Variants in UNKL observed in about 807,000 individuals in gnomAD.
UNKL encodes the protein putative E3 ubiquitin-protein ligase UNKL.
Under a neutral mutation model 78.0 loss-of-function variants are expected in UNKL, and 60 were observed. The ratio of observed to expected loss-of-function variants is 0.77; its 90% CI spans 0.63 to 0.95. UNKL has a LOEUF of 0.95. UNKL is among the 40% of genes least tolerant of loss of function. UNKL has a pLI of 0.00. For missense variants in UNKL, 1,159 were observed against 1,045.7 expected, an observed-to-expected ratio of 1.11 and a Z score of -1.49; for synonymous variants, 608 against 474.8, an observed-to-expected ratio of 1.28 and a Z score of -3.65.
rs1350584732 is a variant in UNKL, at chr16:1,365,661, AAC to A, written c.*577_*578del. On this transcript the variant is annotated 3_prime_UTR_variant, in exon 15 of 15. Coordinates refer to ENST00000389221, the MANE Select transcript of UNKL (RefSeq NM_001372107.1). The stretch of plus-strand genomic sequence containing the variant: ...AAATCCTAGGTCTTACTACTAGATA[AAC>A]ACTCATTTCATAAGTACTAGTTTCA... The A allele has an allele frequency of 6.6e-6, 1 of 152,646 alleles. No homozygotes were observed. The highest frequency in any genetic ancestry group is 2.4e-5 in the African/African-American group (1 of 41,466). The allele number at this position is 152,646 out of a possible 1,614,324, so 9.5% of individuals were successfully genotyped here.
intron 2 of UNKL, among the ~76,000 whole-genome samples, chr16:1,404,363 G>T (rs1241815993): frequency 1.3e-5 from 2 of 152,210 alleles, no homozygotes; most frequent in Admixed American, 6.5e-5. Flanking sequence ...GCCAGGGATG[G>T]CTGGGGACCA....
chr16:1,392,963 C>A lies in UNKL; in HGVS notation c.951G>T (p.Met317Ile). Reference protein sequence around the residue: ...AFAHVEKSLGMVNEWGCHDLH... With the variant: ...AFAHVEKSLGIVNEWGCHDLH... Reference sequence around the variant, plus strand: ...GGTCGTGACAGCCCCATTCATTCACCATCCCCAGGCTCTCTGCAAGGACAG... The same window carrying A: ...GGTCGTGACAGCCCCATTCATTCACAATCCCCAGGCTCTCTGCAAGGACAG... The change falls in exon 8 of 15, where the codon ATG (methionine) becomes ATT (isoleucine). Residue 317 changes from methionine (M) to isoleucine (I), a missense_variant. By Grantham distance (10) the Met-to-Ile change is conservative. Transcript: ENST00000389221. 1 of 1,550,556 alleles carries A rather than the reference C, an allele frequency of 6.4e-7. No homozygotes were observed. The highest frequency in any genetic ancestry group is 8.7e-7 in the Non-Finnish European group (1 of 1,146,998).
In UNKL at chr16:1,397,264, C is replaced by A; in HGVS notation, c.766G>T (p.Asp256Tyr). Residue 256 changes from aspartate to tyrosine, a missense_variant, in exon 6 of 15, where the codon GAT (aspartate) becomes TAT (tyrosine). By Grantham distance (160) the Asp-to-Tyr change is radical. Transcript: ENST00000389221. Reference protein sequence around the residue: ...STPCPSVKHGDEWGEPSRCDG... With the variant: ...STPCPSVKHGYEWGEPSRCDG... ...CAGCGTGAGGGTTCCCCCCACTCAT[C>A]CCCGTGCTTCACACTGGGGCAGGGC... The A allele has an allele frequency of 1.2e-6, 1 of 814,196 alleles. No homozygotes were observed. Among genetic ancestry groups the A allele is most frequent in the South Asian group, 2.3e-5 (1 of 43,250 alleles). 50.4% of individuals were successfully genotyped at this position (814,196 alleles called of 1,614,324 possible). A position where few individuals can be genotyped will look rare whatever the true frequency, so the allele number is the denominator to read the frequency against.
At chr16:1,368,172 C>T (rs2035464926) in intron 12 of UNKL, 1 of 426,300 alleles carries the variant, frequency 2.3e-6, no homozygotes, top group Admixed American at 4.1e-5. Context: ...GTGGGAGGGG[C>T]AGTGGTTCTC....
At chr16:1,380,781 T>G (rs1196474999) in intron 10 of UNKL, among the ~76,000 whole-genome samples, 1 of 148,922 alleles carries the variant, frequency 6.7e-6, no homozygotes, top group Admixed American at 6.9e-5. Context: ...TCCAAGCAAT[T>G]CTCGTGCCTC....
At chr16:1,398,814 C>G in intron 5 of UNKL, 1 of 1,551,838 alleles carries the variant, frequency 6.4e-7, no homozygotes, top group Non-Finnish European at 8.7e-7. Context: ...GCCAAACCCA[C>G]AAGCCAGACC....
At chr16:1,413,406 T>C (rs569089267) in intron 2 of UNKL, among the ~76,000 whole-genome samples, 6 of 151,666 alleles carry the variant, frequency 4.0e-5, no homozygotes, top group African/African-American at 7.3e-5. Flanking sequence ...CTGTCTCTAC[T>C]AAAAATAAAA....
At chr16:1,414,572 C>T (rs1365875731) in intron 1 of UNKL, 43 bp downstream of exon 1, 5 of 944,050 alleles carry the variant, frequency 5.3e-6, no homozygotes, top group Admixed American at 6.0e-5. Context: ...CTCCGAGCTG[C>T]ACCGGGCGCG....
At chr16:1,377,025 C>T (rs536528555) in intron 10 of UNKL, among the ~76,000 whole-genome samples, 1 of 152,126 alleles carries the variant, frequency 6.6e-6, no homozygotes, top group Admixed American at 6.6e-5. Flanking sequence ...CCCCGCCACA[C>T]CCAGCCCCCC....
rs1342008537 is a variant in UNKL, at chr16:1,394,094, C to T, written c.937+37G>A. 6 of 1,545,196 alleles carry T rather than the reference C, an allele frequency of 3.9e-6. No individual in the cohort carries two copies. In the East Asian group the frequency reaches 1.5e-4, roughly 38 times the overall value. ...GTGAGGGCCTGCAGAGCCGCGGAACCTGCTAAGGTGAACCTGCCACAGGGA... is the reference window on the plus strand; with the variant it reads ...GTGAGGGCCTGCAGAGCCGCGGAACTTGCTAAGGTGAACCTGCCACAGGGA... On this transcript the variant is annotated intron_variant, in intron 7 of 14. Transcript: ENST00000389221.
Position 1,390,673 on chromosome 16 carries a change from C to T in UNKL, c.1045G>A (p.Ala349Thr). ...TCGCTGCCCCTAGGGCCACCCTCGG[C>T]CGGCGAGTCTCTCCGCTTGGCCTGC... ...PGNAKRRDSP[A>T]EGGPRGSEQD... Residue 349 changes from alanine (A) to threonine (T), a missense_variant, in exon 9 of 15, where the codon GCC (alanine) becomes ACC (threonine). Ala to Thr is a moderately conservative substitution (Grantham distance 58). Coordinates refer to ENST00000389221, the MANE Select transcript of UNKL (RefSeq NM_001372107.1). 1 of 1,536,056 alleles carries T rather than the reference C, an allele frequency of 6.5e-7. No individual in the cohort carries two copies. The highest frequency in any genetic ancestry group is 8.7e-7 in the Non-Finnish European group (1 of 1,146,896).
intron 12 of UNKL, 175 bp from the exon 13 acceptor site, chr16:1,368,033 G>C: frequency 1.6e-6 from 1 of 628,324 alleles, no homozygotes; most frequent in East Asian, 2.8e-5. Context: ...ACCCCACCAG[G>C]CTCAGGAAGA....
chr16:1,398,906 G>A (rs993782059), intron 5 of UNKL: 1 of 1,569,548 alleles, frequency 6.4e-7, no homozygotes, highest in Non-Finnish European at 8.6e-7. Context: ...GTTGGCCCTG[G>A]GACTCAGCCT....
At chr16:1,398,587 G>T in intron 5 of UNKL, 1 of 1,412,210 alleles carries the variant, frequency 7.1e-7, no homozygotes. Context: ...AGAGGCGAGG[G>T]TGGCTCTCTG....
intron 6 of UNKL, among the ~76,000 whole-genome samples, chr16:1,396,471 C>T (rs887855882): frequency 2.2e-5 from 3 of 136,188 alleles, no homozygotes; most frequent in African/African-American, 5.6e-5. Context: ...ATTTTTAGTA[C>T]AGACATGTTG....
intron 5 of UNKL, chr16:1,398,699 CAGG>C: frequency 2.9e-6 from 4 of 1,368,302 alleles, no homozygotes; most frequent in South Asian, 3.2e-5. Flanking sequence ...ACCCCCCTCT[CAGG>C]TGCAAACTGC....
intron 9 of UNKL, 87 bp from the exon 10 acceptor site, chr16:1,385,472 G>T: frequency 1.6e-6 from 2 of 1,243,978 alleles, no homozygotes; most frequent in South Asian, 5.4e-5. Context: ...AGCACCGCGG[G>T]ACGGCGGCCA....
At chr16:1,395,606 C>A (rs750996159) in intron 6 of UNKL, 9 of 441,330 alleles carry the variant, frequency 2.0e-5, no homozygotes, top group South Asian at 1.1e-4. Flanking sequence ...GCCCCTTCCG[C>A]CCCAGGAACC....
chr16:1,399,802 C>T lies in UNKL; in HGVS notation c.599-293G>A, dbSNP rs2037438038. Among the ~76,000 whole-genome samples, 1 of 152,122 alleles carries T rather than the reference C, an allele frequency of 6.6e-6. No homozygotes were observed. Among genetic ancestry groups the T allele is most frequent in the African/African-American group, 2.4e-5 (1 of 41,422 alleles). On this transcript the variant is annotated intron_variant, in intron 4 of 14. Transcript: ENST00000389221. This position sits in a 1 kb window ranked among gnomAD's most constrained non-coding sequence, Gnocchi z 5.8. ...CCACCAGGGCTGGGAGGGAGTCCTG[C>T]TGTGGGTGTGCGGCTTCCTTGCTGG...
Sources: gnomAD v4.1 joint callset for allele counts (sites outside exome capture counted in the v4.1 genomes callset) on GRCh38, gnomAD v4.1.1 for gene constraint, Gnocchi (gnomAD v3.1) non-coding constraint, MANE v1.5 for transcripts, NCBI Gene and HGNC (gene_info 2026-07-23, HGNC 2026-07-21) for gene names.